The following ADGRG6 variants were observed in gnomAD, a reference collection of about 807,000 sequenced individuals.
ADGRG6 encodes the protein adhesion G protein-coupled receptor G6, also known as G-protein coupled receptor 126.
ADGRG6 carries 84 observed loss-of-function variants against 142.4 expected under a neutral mutation model. That is an observed-to-expected ratio of 0.59 (90% confidence interval 0.49 to 0.71). ADGRG6 has a LOEUF of 0.71. Among genes scored for constraint, ADGRG6 ranks in the 30% least tolerant of loss-of-function variants. The probability of loss-of-function intolerance (pLI) is 0.00; values close to 1 mark genes in which losing one functional copy is unlikely to be tolerated. For synonymous variants in ADGRG6, 521 were observed against 520.5 expected, an observed-to-expected ratio of 1.00 and a Z score of -0.01; for missense variants, 1,367 against 1,466.6, an observed-to-expected ratio of 0.93 and a Z score of 1.11.
chr6:142,354,544 G>A (rs1190822664), intron 2 of ADGRG6, among the ~76,000 whole-genome samples: 2 of 152,168 alleles, frequency 1.3e-5, no homozygotes, highest in Non-Finnish European at 2.9e-5. Context: ...AATTCAGTGT[G>A]ATACCTACAT....
At chr6:142,312,655 T>TA (rs1215238447) in intron 2 of ADGRG6, among the ~76,000 whole-genome samples, 2 of 151,922 alleles carry the variant, frequency 1.3e-5, no homozygotes, top group African/African-American at 2.4e-5. Context: ...AGGTAACACA[T>TA]AAAAAAATCA....
intron 14 of ADGRG6, chr6:142,405,438 T>C: frequency 1.7e-6 from 1 of 583,814 alleles, no homozygotes; most frequent in South Asian, 1.5e-5. Flanking sequence ...TTTATAGATT[T>C]CTTCCTATGT....
chr6:142,383,767 A>G lies in ADGRG6; in HGVS notation c.1146A>G (p.Val382=). Residue 382 remains valine, a synonymous_variant, in exon 6 of 25, where the codon GTA becomes GTG. Transcript: ENST00000367609. ...TCTCATCTTTATTACCAGCTACTGT[A>G]AACTCTCCTAGTACTACACCACCCA... ...ADLGTLCQAT[V]NSPSTTPPTV... 6.5e-7 allele frequency: 1 copy of G among 1,527,600 alleles called. No homozygotes were observed. The highest frequency in any genetic ancestry group is 9.1e-7 in the Non-Finnish European group (1 of 1,104,478). The allele number at this position is 1,527,600 out of a possible 1,614,324, so 94.6% of individuals were successfully genotyped here.
At chr6:142,345,582 A>G (rs567273138) in intron 2 of ADGRG6, among the ~76,000 whole-genome samples, 32 of 152,258 alleles carry the variant, frequency 2.1e-4, no homozygotes, top group African/African-American at 7.0e-4. Context: ...AAGGAACAGA[A>G]TATCATAAAT....
intron 4 of ADGRG6, among the ~76,000 whole-genome samples, chr6:142,378,643 C>T (rs1781608457): frequency 1.3e-5 from 2 of 152,152 alleles, no homozygotes; most frequent in South Asian, 4.1e-4. Context: ...ATCTTTAAAA[C>T]TCCCCCTTCC....
At chr6:142,383,115 A>G (rs977244951) in intron 5 of ADGRG6, among the ~76,000 whole-genome samples, 2 of 152,122 alleles carry the variant, frequency 1.3e-5, no homozygotes, top group African/African-American at 2.4e-5. Flanking sequence ...TTTATTTTTA[A>G]AATTCTTCTC....
In ADGRG6 at chr6:142,411,316, G is replaced by A. The variant is rs1223008188; in HGVS notation, c.2446G>A (p.Gly816Arg). The change falls in exon 18 of 25, where the codon GGA becomes AGA. Residue 816 changes from glycine to arginine, a missense_variant. By Grantham distance (125) the Gly-to-Arg change is moderately radical (BLOSUM62 -2). This residue lies in a region of ADGRG6 where 286 missense variants were observed against 371.4 expected (regional missense o/e 0.77). Transcript: ENST00000367609. ...WDLNKNKSFGGWNTSGCVAHR... is the reference protein window; with the variant it reads ...WDLNKNKSFGRWNTSGCVAHR... ...GATTCCTTCAACAGAAAGTTTTGGA[G>A]GATGGAACACGTCAGGATGTGTTGC... The A allele has an allele frequency of 2.5e-6, 4 of 1,595,206 alleles. No homozygotes were observed. Among genetic ancestry groups the A allele is most frequent in the Non-Finnish European group, 3.4e-6 (4 of 1,163,230 alleles).
intron 4 of ADGRG6, among the ~76,000 whole-genome samples, chr6:142,379,538 C>T (rs953459464): frequency 6.6e-5 from 10 of 152,130 alleles, no homozygotes; most frequent in African/African-American, 2.4e-4. Flanking sequence ...GAGGCCGAGG[C>T]GGGCGGATCA....
At chr6:142,355,109 G>A (rs1780378818) in intron 2 of ADGRG6, among the ~76,000 whole-genome samples, 1 of 152,088 alleles carries the variant, frequency 6.6e-6, no homozygotes, top group Admixed American at 6.5e-5. Context: ...TGGCAAAATG[G>A]CACATAGTCT....
chr6:142,304,225 C>G (rs1459693818), intron 1 of ADGRG6, among the ~76,000 whole-genome samples: 2 of 152,106 alleles, frequency 1.3e-5, no homozygotes, highest in Admixed American at 1.3e-4. Flanking sequence ...TTAATAGATT[C>G]AAGTTCAGAA....
chr6:142,394,622 C>T (rs9496365), intron 9 of ADGRG6, among the ~76,000 whole-genome samples: 2,414 of 147,802 alleles, frequency 0.016, 67 homozygotes, highest in African/African-American at 0.057. Flanking sequence ...CACTTTGTCA[C>T]CCGGGCTGGA....
At chr6:142,406,948 C>T (rs1232311035) in intron 15 of ADGRG6, among the ~76,000 whole-genome samples, 1 of 152,028 alleles carries the variant, frequency 6.6e-6, no homozygotes, top group Non-Finnish European at 1.5e-5. Flanking sequence ...TAGCCCTGCA[C>T]TCTTAGATTT....
intron 2 of ADGRG6, among the ~76,000 whole-genome samples, chr6:142,355,058 A>G (rs1052378469): frequency 3.9e-5 from 6 of 152,212 alleles, no homozygotes; most frequent in African/African-American, 1.4e-4. Context: ...ACTATTAACC[A>G]AAAACCTGGG....
chr6:142,435,725 A>G (rs1777453735), intron 22 of ADGRG6, among the ~76,000 whole-genome samples: 2 of 152,226 alleles, frequency 1.3e-5, no homozygotes, highest in South Asian at 4.1e-4. Context: ...GAGACGATCA[A>G]GCAAAGGAAT....
intron 5 of ADGRG6, among the ~76,000 whole-genome samples, chr6:142,383,444 G>A (rs1460271965): frequency 6.6e-6 from 1 of 152,104 alleles, no homozygotes; most frequent in African/African-American, 2.4e-5. Flanking sequence ...AGGGTTTAGT[G>A]TTTTACTGTG....
intron 2 of ADGRG6, among the ~76,000 whole-genome samples, chr6:142,316,444 A>G (rs1031893082): frequency 1.3e-5 from 2 of 152,190 alleles, no homozygotes; most frequent in Non-Finnish European, 2.9e-5. Flanking sequence ...TTGCAAACAG[A>G]AGGATCTTTT....
In ADGRG6 at chr6:142,370,720, T is replaced by C; in HGVS notation, c.996T>C (p.Asn332=). The change falls in exon 4 of 25, where the codon AAT becomes AAC. Residue 332 remains asparagine, a synonymous_variant. Coordinates refer to ENST00000367609, the MANE Select transcript of ADGRG6 (RefSeq NM_198569.3). The stretch of plus-strand genomic sequence containing the variant: ...ACCTCAGCTGTAATGTGAAAGGGAA[T>C]GTAGTCGACTGGCAAAATGACTTCT... ...LSNLSCNVKG[N]VVDWQNDFWN... 1 of 1,613,706 alleles carries C rather than the reference T, an allele frequency of 6.2e-7. No homozygotes were observed. Among genetic ancestry groups the C allele is most frequent in the Non-Finnish European group, 8.5e-7 (1 of 1,179,748 alleles).
At chr6:142,402,865 A>T in intron 13 of ADGRG6, 35 bp downstream of exon 13, 2 of 1,128,826 alleles carry the variant, frequency 1.8e-6, no homozygotes, top group Non-Finnish European at 2.6e-6. Flanking sequence ...AGTAAATTTT[A>T]TTGGATAATG....
intron 2 of ADGRG6, among the ~76,000 whole-genome samples, chr6:142,347,368 C>T (rs559796495): frequency 6.6e-4 from 100 of 152,204 alleles, no homozygotes; most frequent in African/African-American, 2.2e-3. Context: ...ACTTGGGAAA[C>T]CAAATTTTAA....
Sources: allele counts gnomAD v4.1 joint callset (sites outside exome capture counted in the v4.1 genomes callset), GRCh38; gene constraint gnomAD v4.1.1; regional missense constraint gnomAD v4.1.1; transcripts MANE v1.5; gene names NCBI Gene and HGNC (gene_info 2026-07-23, HGNC 2026-07-21).